LIMS1: variants seen among roughly 807,000 people sequenced by gnomAD.
LIMS1 encodes the protein LIM and senescent cell antigen-like-containing domain protein 1.
In LIMS1, 18 loss-of-function variants were observed where a neutral mutation model predicts 44.1. That is an observed-to-expected ratio of 0.41 (90% CI 0.28 to 0.61). LIMS1 has a LOEUF of 0.61. LIMS1 is among the 20% of genes least tolerant of loss of function. The pLI, the probability that LIMS1 is intolerant of heterozygous loss-of-function variation, is 0.32. For synonymous variants in LIMS1, 93 were observed against 149.1 expected (o/e 0.62, Z 2.74); for missense variants, 201 against 422.0 (o/e 0.48, Z 4.59).
At chr2:108,559,175 C>T (rs1685029371) in intron 1 of LIMS1, among the ~76,000 whole-genome samples, 1 of 152,106 alleles carries the variant, frequency 6.6e-6, no homozygotes. Context: ...AGAGTTTGCA[C>T]ATAAAGTTCT....
chr2:108,597,974 G>C (rs1361906618), intron 1 of LIMS1, among the ~76,000 whole-genome samples: 1 of 151,984 alleles, frequency 6.6e-6, no homozygotes, highest in Non-Finnish European at 1.5e-5. Context: ...TTACAGGTGT[G>C]AGCCACCACA....
chr2:108,641,759 A>G (rs1689683188), intron 1 of LIMS1, among the ~76,000 whole-genome samples: 1 of 152,194 alleles, frequency 6.6e-6, no homozygotes, highest in Non-Finnish European at 1.5e-5. Context: ...AATTAGGAAA[A>G]AAAATTGACA....
intron 6 of LIMS1, 113 bp from the exon 7 acceptor site, chr2:108,676,493 T>C (rs148687933): frequency 0.093 from 119,220 of 1,283,378 alleles, 6,224 homozygotes; most frequent in Non-Finnish European, 0.11. Context: ...CCAAATGAAA[T>C]GACTGTCTCA....
At chr2:108,559,946 C>T (rs926024175) in intron 1 of LIMS1, among the ~76,000 whole-genome samples, 2 of 152,120 alleles carry the variant, frequency 1.3e-5, no homozygotes, top group Non-Finnish European at 2.9e-5. Context: ...GCCCACCCGC[C>T]AGCCCCACCA....
rs144920206 is a variant in LIMS1 at position 108,606,595 on chromosome 2, C to T, written c.33-53010C>T. Among the ~76,000 whole-genome samples, 9 of 152,378 alleles carry T rather than the reference C, an allele frequency of 5.9e-5. No homozygotes were observed. The East Asian group carries it at 1.7e-3, about 29-fold the overall frequency. The stretch of plus-strand genomic sequence containing the variant: ...TCAAGAAGCATTTCTTAGGTACCTA[C>T]TGTTGCCAGGCTTGAAGAGCTCACA... On this transcript the variant is annotated intron_variant, in intron 1 of 9. Transcript: ENST00000544547.
At chr2:108,676,100 G>T in intron 6 of LIMS1, 72 bp downstream of exon 6, 1 of 1,483,528 alleles carries the variant, frequency 6.7e-7, no homozygotes, top group Non-Finnish European at 9.0e-7. Flanking sequence ...AATACTTTCA[G>T]ATCTCCCATG....
intron 5 of LIMS1, among the ~76,000 whole-genome samples, chr2:108,674,385 A>C (rs1449863060): frequency 6.6e-6 from 1 of 152,078 alleles, no homozygotes; most frequent in Non-Finnish European, 1.5e-5. Flanking sequence ...CTTACTTGCT[A>C]AATTATAGTA....
chr2:108,606,377 C>G (rs1687267454), intron 1 of LIMS1, among the ~76,000 whole-genome samples: 1 of 152,138 alleles, frequency 6.6e-6, no homozygotes, highest in African/African-American at 2.4e-5. Context: ...GATTCTTCAC[C>G]AAGGTGAAGC....
At chr2:108,671,712 T>C (rs1223079380) in intron 3 of LIMS1, among the ~76,000 whole-genome samples, 1 of 152,196 alleles carries the variant, frequency 6.6e-6, no homozygotes, top group East Asian at 1.9e-4. Context: ...ATGTTGACAA[T>C]GACCAGAAAT....
chr2:108,679,030 G>T (rs940892025), intron 8 of LIMS1, among the ~76,000 whole-genome samples: 2 of 152,066 alleles, frequency 1.3e-5, no homozygotes, highest in Non-Finnish European at 2.9e-5. Context: ...GTATCCAGGG[G>T]CTGGATCCAA....
chr2:108,653,668 T>C (rs1558830097), intron 1 of LIMS1, among the ~76,000 whole-genome samples: 1 of 151,034 alleles, frequency 6.6e-6, no homozygotes, highest in Non-Finnish European at 1.5e-5. Flanking sequence ...ATTTAGAACA[T>C]GTATTTTGCC....
At chr2:108,678,931 G>A (rs1692756105) in intron 8 of LIMS1, among the ~76,000 whole-genome samples, 1 of 152,124 alleles carries the variant, frequency 6.6e-6, no homozygotes, top group Non-Finnish European at 1.5e-5. Flanking sequence ...CAGGCCAAGG[G>A]GGCACAGTTG....
At chr2:108,566,427 C>T (rs1573339081) in intron 1 of LIMS1, among the ~76,000 whole-genome samples, 1 of 152,136 alleles carries the variant, frequency 6.6e-6, no homozygotes, top group East Asian at 1.9e-4. Context: ...TTTATACCCT[C>T]ATTTATATAG....
At chr2:108,665,216 G>A (rs1286671875) in intron 2 of LIMS1, among the ~76,000 whole-genome samples, 1 of 152,176 alleles carries the variant, frequency 6.6e-6, no homozygotes, top group Non-Finnish European at 1.5e-5. Flanking sequence ...ATCAGAGAAT[G>A]TATTTAACAA....
chr2:108,605,171 G>A (rs1259048322), intron 1 of LIMS1, among the ~76,000 whole-genome samples: 2 of 152,102 alleles, frequency 1.3e-5, no homozygotes, highest in Non-Finnish European at 2.9e-5. Flanking sequence ...GGTTGTAACA[G>A]CACTCATGAC....
intron 1 of LIMS1, among the ~76,000 whole-genome samples, chr2:108,641,299 T>C (rs1355636245): frequency 6.6e-6 from 1 of 152,260 alleles, no homozygotes. Context: ...TTTGGGATGC[T>C]AGAAACCTAT....
At chr2:108,609,306 T>C (rs1210788313) in intron 1 of LIMS1, among the ~76,000 whole-genome samples, 5 of 152,162 alleles carry the variant, frequency 3.3e-5, no homozygotes, top group African/African-American at 4.8e-5. Flanking sequence ...CCCTCCCCCA[T>C]GGCAGGTGTT....
At chr2:108,681,269 T>C (rs1053970693) in intron 9 of LIMS1, 5 of 985,346 alleles carry the variant, frequency 5.1e-6, no homozygotes, top group Non-Finnish European at 6.0e-6. Flanking sequence ...ATACAAGTAT[T>C]TGTCCTATGT....
At chr2:108,577,574 A>G (rs1685715554) in intron 1 of LIMS1, among the ~76,000 whole-genome samples, 1 of 152,224 alleles carries the variant, frequency 6.6e-6, no homozygotes, top group Non-Finnish European at 1.5e-5. Flanking sequence ...TTTTAATGGT[A>G]CAGAGTGGGT....
Sources: allele counts gnomAD v4.1 joint callset (sites outside exome capture counted in the v4.1 genomes callset), GRCh38; gene constraint gnomAD v4.1.1; transcripts MANE v1.5; gene names NCBI Gene and HGNC (gene_info 2026-07-23, HGNC 2026-07-21).